Variants in CACNA2D1 observed in about 807,000 individuals in gnomAD.
CACNA2D1 encodes calcium voltage-gated channel auxiliary subunit alpha2delta 1, also known as voltage-dependent calcium channel subunit alpha-2/delta-1.
A neutral mutation model predicts 171.5 loss-of-function variants in CACNA2D1; 53 were observed. The observed-to-expected ratio is 0.31, with a 90% CI of 0.25 to 0.39. CACNA2D1 has a LOEUF of 0.39. CACNA2D1 is among the 10% of genes least tolerant of loss of function. The pLI, the probability that CACNA2D1 is intolerant of heterozygous loss-of-function variation, is 1.00. For missense variants in CACNA2D1, 903 were observed against 1,299.8 expected (o/e 0.69, Z 4.69); for synonymous variants, 442 against 443.1 (o/e 1.00, Z 0.03).
At chr7:82,293,436 G>A (rs773188741) in intron 3 of CACNA2D1, among the ~76,000 whole-genome samples, 4 of 152,162 alleles carry the variant, frequency 2.6e-5, no homozygotes, top group Non-Finnish European at 5.9e-5. Context: ...GGGCAGGTTT[G>A]CTAACAGGTA....
intron 10 of CACNA2D1, among the ~76,000 whole-genome samples, chr7:82,059,229 C>T (rs1246015550): frequency 6.6e-6 from 1 of 152,070 alleles, no homozygotes. Flanking sequence ...AATATATCTT[C>T]CAGAAAATGG....
In CACNA2D1 at chr7:82,012,135, G is replaced by A. The variant is rs1168448448; in HGVS notation, c.1362+19C>T. On this transcript the variant is annotated intron_variant, in intron 15 of 38. Transcript: ENST00000356860. ...GCTTTTGTTATGACAGTCTTTGACT[G>A]AATAGCTCAACCTCTTACCAATGCA... 7 of 1,387,342 alleles carry A rather than the reference G, an allele frequency of 5.0e-6. No homozygotes were observed. The highest frequency in any genetic ancestry group is 2.8e-5 in the African/African-American group (2 of 70,212). The allele number at this position is 1,387,342 out of a possible 1,614,324, so 85.9% of individuals were successfully genotyped here.
At chr7:82,266,725 C>T (rs1222163645) in intron 3 of CACNA2D1, among the ~76,000 whole-genome samples, 1 of 152,092 alleles carries the variant, frequency 6.6e-6, no homozygotes, top group Non-Finnish European at 1.5e-5. Context: ...CAATTTTGGC[C>T]AGGCTGGTCT....
intron 6 of CACNA2D1, among the ~76,000 whole-genome samples, chr7:82,101,780 G>C (rs1047931532): frequency 6.6e-6 from 1 of 151,970 alleles, no homozygotes; most frequent in South Asian, 2.1e-4. Context: ...TACCAATTCA[G>C]GTTAAATTCA....
At position 82,055,930 on chromosome 7, in the gene CACNA2D1, G is replaced by GTGTATATATATATATATA. The variant is rs71093357; in HGVS notation, c.879+4497_879+4498insTATATATATATATATACA. On this transcript the variant is annotated intron_variant, in intron 10 of 38. Transcript: ENST00000356860. ...AAGTATAATAAATATGTGTGTGTGT[G>GTGTATATATATATATATA]TATATATATATATATATAATTTTTT... Among the ~76,000 whole-genome samples, 16 of 111,462 alleles carry GTGTATATATATATATATA rather than the reference G, an allele frequency of 1.4e-4. No individual in the cohort carries two copies. The East Asian group carries it at 3.0e-3, about 21-fold the overall frequency. The allele number at this position is 111,462 out of a possible 152,430, so 73.1% of individuals were successfully genotyped here.
chr7:82,196,752 G>A (rs1798892707), intron 3 of CACNA2D1, among the ~76,000 whole-genome samples: 1 of 151,474 alleles, frequency 6.6e-6, no homozygotes, highest in South Asian at 2.1e-4. Flanking sequence ...AAGAGAGATA[G>A]ATAAAGACGA....
intron 2 of CACNA2D1, among the ~76,000 whole-genome samples, chr7:82,338,556 CATTAT>C (rs1342966918): frequency 3.9e-5 from 6 of 152,106 alleles, no homozygotes; most frequent in Admixed American, 3.9e-4. Flanking sequence ...GTTTCACATA[CATTAT>C]ATTATTTATT....
chr7:82,341,804 T>G (rs1280679419), intron 2 of CACNA2D1, among the ~76,000 whole-genome samples: 2 of 151,958 alleles, frequency 1.3e-5, no homozygotes, highest in African/African-American at 2.4e-5. Context: ...TCCTAGCACT[T>G]TGGGAGGCCG....
chr7:82,295,375 C>T (rs534412952), intron 3 of CACNA2D1, among the ~76,000 whole-genome samples: 2 of 150,282 alleles, frequency 1.3e-5, no homozygotes, highest in African/African-American at 4.9e-5. Flanking sequence ...CTCACTCTGT[C>T]GCCCAAGCTG....
chr7:81,972,554 G>A (rs17148103), intron 25 of CACNA2D1, among the ~76,000 whole-genome samples: 14,345 of 151,778 alleles, frequency 0.095, 717 homozygotes, highest in Middle Eastern at 0.21. Flanking sequence ...TAGATAATAG[G>A]TTGTCATTTC....
At chr7:82,068,438 C>T (rs1807920811) in intron 7 of CACNA2D1, among the ~76,000 whole-genome samples, 1 of 152,142 alleles carries the variant, frequency 6.6e-6, no homozygotes, top group Non-Finnish European at 1.5e-5. Flanking sequence ...ATTAGGACCT[C>T]TGCCTTGGGC....
intron 3 of CACNA2D1, among the ~76,000 whole-genome samples, chr7:82,236,618 A>C (rs1803618625): frequency 6.6e-6 from 1 of 152,128 alleles, no homozygotes; most frequent in South Asian, 2.1e-4. Flanking sequence ...ACTTAGAGTA[A>C]GCATTTTCTT....
chr7:82,194,438 T>C (rs949918601), intron 3 of CACNA2D1, among the ~76,000 whole-genome samples: 1 of 152,038 alleles, frequency 6.6e-6, no homozygotes, highest in Non-Finnish European at 1.5e-5. Flanking sequence ...GATTTGTGTG[T>C]ATGCTGGAGT....
At chr7:82,208,605 A>G (rs547623129) in intron 3 of CACNA2D1, among the ~76,000 whole-genome samples, 1 of 152,128 alleles carries the variant, frequency 6.6e-6, no homozygotes, top group Non-Finnish European at 1.5e-5. Context: ...TGCTTCTGTA[A>G]CTCTTGTTAA....
chr7:81,964,015 TTC>T, intron 34 of CACNA2D1, 39 bp downstream of exon 34: 2 of 1,538,410 alleles, frequency 1.3e-6, no homozygotes, highest in South Asian at 2.3e-5. Flanking sequence ...ATTTTACAAC[TTC>T]TTTCTTTCAT....
intron 3 of CACNA2D1, among the ~76,000 whole-genome samples, chr7:82,305,379 C>A (rs1813591517): frequency 6.6e-6 from 1 of 152,116 alleles, no homozygotes. Context: ...TAACGATAAT[C>A]CTGAAAGCTG....
intron 4 of CACNA2D1, among the ~76,000 whole-genome samples, chr7:82,137,584 A>G (rs1206918918): frequency 6.6e-6 from 1 of 152,038 alleles, no homozygotes; most frequent in Non-Finnish European, 1.5e-5. Context: ...GATGCTGTAA[A>G]ATTTTAGGCT....
In CACNA2D1 at chr7:82,012,039, A is replaced by C. The variant is rs928734154; in HGVS notation, c.1362+115T>G. Reference sequence around the variant, plus strand: ...CTAGGAAAGAAGTCTGTGATAGAAGAAATTTTGGGGAGGGTTTAATGAAAA... The same window carrying C: ...CTAGGAAAGAAGTCTGTGATAGAAGCAATTTTGGGGAGGGTTTAATGAAAA... On this transcript the variant is annotated intron_variant, in intron 15 of 38. Coordinates refer to ENST00000356860, the MANE Select transcript of CACNA2D1 (RefSeq NM_000722.4). 4.9e-5 allele frequency: 36 copies of C among 738,508 alleles called. No individual in the cohort carries two copies. The Admixed American group carries it at 6.8e-4, about 14-fold the overall frequency. 45.7% of individuals were successfully genotyped at this position (738,508 alleles called of 1,614,324 possible). A position where few individuals can be genotyped will look rare whatever the true frequency, so the allele number is the denominator to read the frequency against.
At chr7:82,080,437 G>A (rs939047149) in intron 7 of CACNA2D1, among the ~76,000 whole-genome samples, 1 of 152,062 alleles carries the variant, frequency 6.6e-6, no homozygotes, top group Non-Finnish European at 1.5e-5. Flanking sequence ...ACAATACTGT[G>A]AAGTAATGGG....
Sources: allele counts gnomAD v4.1 joint callset (sites outside exome capture counted in the v4.1 genomes callset), GRCh38; gene constraint gnomAD v4.1.1; transcripts MANE v1.5; gene names NCBI Gene and HGNC (gene_info 2026-07-23, HGNC 2026-07-21).